The following CPNE2 variants were observed in gnomAD, a reference collection of about 807,000 sequenced individuals.
CPNE2 encodes copine 2.
In CPNE2, 42 loss-of-function variants were observed where a neutral mutation model predicts 69.7. The ratio of observed to expected loss-of-function variants is 0.60; its 90% CI spans 0.47 to 0.78. The LOEUF (loss-of-function observed/expected upper bound fraction) is 0.78, where lower values mean the gene tolerates loss of function less well. CPNE2 is among the 30% of genes least tolerant of loss of function. CPNE2 has a pLI of 0.00. For missense variants in CPNE2, 587 were observed against 732.0 expected, an observed-to-expected ratio of 0.80 and a Z score of 2.29; for synonymous variants, 294 against 289.8, an observed-to-expected ratio of 1.01 and a Z score of -0.15.
chr16:57,111,458 A>G (rs920259364), intron 2 of CPNE2, among the ~76,000 whole-genome samples: 2 of 152,252 alleles, frequency 1.3e-5, no homozygotes, highest in African/African-American at 4.8e-5. Context: ...GATTACAGGC[A>G]TGAACCACCA....
rs2069550402 is a variant in CPNE2 at position 57,092,585 on chromosome 16, C to CGCG, written c.-241_-240insGCG. ...CCCGAGCCGCCGCCGCCGCCGCCGC[C>CGCG]CGCCCGCCCGGCCCGGGAGGAGGAC... is the stretch of plus-strand genomic sequence containing the variant. On this transcript the variant is annotated 5_prime_UTR_variant, in exon 1 of 16. Transcript: ENST00000290776. The surrounding 1 kb of genome is among the most constrained non-coding windows in gnomAD (Gnocchi z 5.3). 6.7e-6 allele frequency: 1 copy of CGCG among 150,082 alleles called. No individual in the cohort carries two copies. The highest frequency in any genetic ancestry group is 1.8e-4 in the South Asian group (1 of 5,664). The allele number at this position is 150,082 out of a possible 1,614,324, so 9.3% of individuals were successfully genotyped here.
chr16:57,123,691 A>T, intron 10 of CPNE2: 1 of 573,936 alleles, frequency 1.7e-6, no homozygotes. Flanking sequence ...GTCAGAGCAC[A>T]GCTGCACAGC....
intron 7 of CPNE2, among the ~76,000 whole-genome samples, chr16:57,120,208 G>T (rs2069751256): frequency 6.6e-6 from 1 of 151,804 alleles, no homozygotes; most frequent in Admixed American, 6.6e-5. Context: ...GGGAGGCGGA[G>T]GTTGCAGAGC....
rs1350004993 is a variant in CPNE2 at position 57,146,176 on chromosome 16, T to C, written c.1394T>C (p.Met465Thr). The C allele has an allele frequency of 1.5e-5, 24 of 1,581,460 alleles. No homozygotes were observed. The highest frequency in any genetic ancestry group is 2.1e-5 in the Non-Finnish European group (24 of 1,162,768). ...HAVVQASKLP[M>T]SIIIVGVGNA... ...GTGGTGCAGGCTTCCAAGCTGCCCA[T>C]GTCCATCATCATCGTGGGCGTGGGC... The change falls in exon 15 of 16, where the codon ATG (methionine) becomes ACG (threonine). Residue 465 changes from methionine to threonine, a missense_variant. This residue lies in a region of CPNE2 where 185 missense variants were observed against 252.3 expected (regional missense o/e 0.73). Coordinates refer to ENST00000290776, the MANE Select transcript of CPNE2 (RefSeq NM_152727.6). The surrounding 1 kb of genome is among the most constrained non-coding windows in gnomAD (Gnocchi z 4.4).
intron 1 of CPNE2, among the ~76,000 whole-genome samples, chr16:57,103,785 G>A (rs908929265): frequency 1.3e-5 from 2 of 152,198 alleles, no homozygotes; most frequent in Admixed American, 6.5e-5. Context: ...TCTACATCGC[G>A]GTGGGGCCAG....
chr16:57,137,609 C>T (rs540185350), intron 14 of CPNE2, among the ~76,000 whole-genome samples: 6 of 152,174 alleles, frequency 3.9e-5, no homozygotes, highest in South Asian at 2.1e-4. Flanking sequence ...GAGGCCCTAA[C>T]GCTGACCCTT....
In CPNE2 at chr16:57,092,665, G is replaced by A. The variant is rs2069551182; in HGVS notation, c.-161G>A. 6.7e-6 allele frequency: 1 copy of A among 148,830 alleles called. No homozygotes were observed. Among genetic ancestry groups the A allele is most frequent in the Non-Finnish European group, 1.5e-5 (1 of 66,516 alleles). 9.2% of individuals were successfully genotyped at this position (148,830 alleles called of 1,614,324 possible). Reference sequence around the variant, plus strand: ...AGCGGGCCGTGGCCGCGCGGGCAGCGCCCTGAGCCTGTCCCGCGCCCGCGG... The same window carrying A: ...AGCGGGCCGTGGCCGCGCGGGCAGCACCCTGAGCCTGTCCCGCGCCCGCGG... On this transcript the variant is annotated 5_prime_UTR_variant, in exon 1 of 16. Coordinates refer to ENST00000290776, the MANE Select transcript of CPNE2 (RefSeq NM_152727.6). The surrounding 1 kb of genome is among the most constrained non-coding windows in gnomAD (Gnocchi z 5.3).
intron 1 of CPNE2, among the ~76,000 whole-genome samples, chr16:57,109,760 C>T (rs180990959): frequency 1.1e-3 from 173 of 152,298 alleles, no homozygotes; most frequent in African/African-American, 4.1e-3. Context: ...TTTACTGCAG[C>T]CTGTTTTATC....
At chr16:57,102,239 C>G (rs965380854) in intron 1 of CPNE2, among the ~76,000 whole-genome samples, 1 of 152,106 alleles carries the variant, frequency 6.6e-6, no homozygotes, top group Non-Finnish European at 1.5e-5. Flanking sequence ...AGTGAGCCAC[C>G]GCACCCGCTT....
intron 1 of CPNE2, among the ~76,000 whole-genome samples, chr16:57,104,573 C>A (rs1455967383): frequency 6.6e-6 from 1 of 152,176 alleles, no homozygotes; most frequent in Non-Finnish European, 1.5e-5. Flanking sequence ...CGAGCCCCCA[C>A]CTTCCTCATT....
intron 11 of CPNE2, among the ~76,000 whole-genome samples, chr16:57,127,195 A>G (rs945226389): frequency 2.0e-5 from 3 of 152,216 alleles, no homozygotes; most frequent in African/African-American, 7.2e-5. Flanking sequence ...GGAAATCTAC[A>G]GAGCGAAGGG....
chr16:57,102,859 C>G (rs954072282), intron 1 of CPNE2, among the ~76,000 whole-genome samples: 11 of 152,310 alleles, frequency 7.2e-5, no homozygotes, highest in African/African-American at 2.6e-4. Flanking sequence ...GCCTCAGCCT[C>G]CCCAAGTGCT....
chr16:57,133,236 C>A (rs1401715361), intron 12 of CPNE2, among the ~76,000 whole-genome samples: 8 of 152,106 alleles, frequency 5.3e-5, no homozygotes, highest in African/African-American at 1.7e-4. Flanking sequence ...GGGACAGGAC[C>A]CAAGAGGGAC....
intron 1 of CPNE2, among the ~76,000 whole-genome samples, chr16:57,103,900 A>G (rs1400062155): frequency 1.3e-5 from 2 of 151,594 alleles, no homozygotes; most frequent in Non-Finnish European, 1.5e-5. Context: ...CTAGGAAAGC[A>G]CTCTTTTTTG....
At chr16:57,105,622 G>A (rs1317540061) in intron 1 of CPNE2, among the ~76,000 whole-genome samples, 1 of 152,110 alleles carries the variant, frequency 6.6e-6, no homozygotes, top group East Asian at 1.9e-4. Flanking sequence ...TAACTGCATA[G>A]CCCCGGGGTG....
chr16:57,100,310 C>T (rs142213904), intron 1 of CPNE2, among the ~76,000 whole-genome samples: 11 of 152,106 alleles, frequency 7.2e-5, no homozygotes, highest in Non-Finnish European at 1.0e-4. Context: ...TAGGGAGGCA[C>T]GAAAAATACT....
chr16:57,101,142 A>G (rs2069610681), intron 1 of CPNE2, among the ~76,000 whole-genome samples: 1 of 152,246 alleles, frequency 6.6e-6, no homozygotes, highest in South Asian at 2.1e-4. Flanking sequence ...CCAAGACTGC[A>G]GCATAGAAAC....
rs2069830120 is a variant in CPNE2 at position 57,130,502 on chromosome 16, G to T, written c.1116+2599G>T. Reference sequence around the variant, plus strand: ...GGGGCAGAAAGCAAACCCATAAGTAGCAGCATTTATTGGGCCCTTAGAATG... The same window carrying T: ...GGGGCAGAAAGCAAACCCATAAGTATCAGCATTTATTGGGCCCTTAGAATG... On this transcript the variant is annotated intron_variant, in intron 12 of 15. Coordinates refer to ENST00000290776, the MANE Select transcript of CPNE2 (RefSeq NM_152727.6). The surrounding 1 kb of genome is among the most constrained non-coding windows in gnomAD (Gnocchi z 4.1). Among the ~76,000 whole-genome samples, 5 of 152,074 alleles carry T rather than the reference G, an allele frequency of 3.3e-5. No homozygotes were observed. The highest frequency in any genetic ancestry group is 3.3e-4 in the Admixed American group (5 of 15,268).
intron 1 of CPNE2, among the ~76,000 whole-genome samples, chr16:57,097,257 CCT>C (rs1597488055): frequency 1.3e-5 from 2 of 152,284 alleles, no homozygotes; most frequent in East Asian, 3.9e-4. Context: ...CATTTGCTCA[CCT>C]CTCTGTTCCC....
Sources: allele counts gnomAD v4.1 joint callset (sites outside exome capture counted in the v4.1 genomes callset), GRCh38; gene constraint gnomAD v4.1.1; regional missense constraint gnomAD v4.1.1; non-coding constraint Gnocchi (gnomAD v3.1); transcripts MANE v1.5; gene names NCBI Gene and HGNC (gene_info 2026-07-23, HGNC 2026-07-21).